Variants in KAZN observed in about 807,000 individuals in gnomAD.
KAZN encodes the protein kazrin.
A neutral mutation model predicts 87.4 loss-of-function variants in KAZN; 40 were observed. The ratio of observed to expected loss-of-function variants is 0.46; its 90% CI spans 0.36 to 0.60. KAZN has a LOEUF of 0.60. KAZN is among the 20% of genes least tolerant of loss of function. KAZN has a pLI of 0.00. For synonymous variants in KAZN, 466 were observed against 458.3 expected (o/e 1.02, Z -0.22); for missense variants, 898 against 1,073.9 (o/e 0.84, Z 2.29).
chr1:14,772,225 G>A (rs1198072829), intron 1 of KAZN, among the ~76,000 whole-genome samples: 2 of 152,188 alleles, frequency 1.3e-5, no homozygotes, highest in East Asian at 1.9e-4. Context: ...GCTCACGCCT[G>A]TAATCCTGGC....
At chr1:14,947,811 G>T (rs1403248111) in intron 1 of KAZN, among the ~76,000 whole-genome samples, 2 of 152,246 alleles carry the variant, frequency 1.3e-5, no homozygotes, top group African/African-American at 4.8e-5. Flanking sequence ...CCAAATGGGA[G>T]CTGGAACCCT....
At chr1:14,250,492 A>G (rs1164355332) in intron 2 of KAZN, among the ~76,000 whole-genome samples, 1 of 152,174 alleles carries the variant, frequency 6.6e-6, no homozygotes, top group Admixed American at 6.5e-5. Flanking sequence ...CATGATAGAT[A>G]AAAGATGGAA....
At chr1:14,308,486 G>T (rs1021088848) in intron 2 of KAZN, among the ~76,000 whole-genome samples, 1 of 152,210 alleles carries the variant, frequency 6.6e-6, no homozygotes, top group Non-Finnish European at 1.5e-5. Context: ...AAGTTATATA[G>T]AAGTTTCATG....
intron 6 of KAZN, chr1:15,062,625 G>C (rs1638887470): frequency 6.6e-6 from 1 of 152,504 alleles, no homozygotes; most frequent in Non-Finnish European, 1.5e-5. Context: ...GGTTGGAGAA[G>C]GTTGACGGAC....
chr1:14,417,808 A>G (rs1479172929), intron 2 of KAZN, among the ~76,000 whole-genome samples: 2 of 151,786 alleles, frequency 1.3e-5, no homozygotes, highest in African/African-American at 2.4e-5. Context: ...CATCCTGGCT[A>G]ACATGGTGAA....
At chr1:14,150,437 T>C (rs1645447507) in intron 1 of KAZN, among the ~76,000 whole-genome samples, 1 of 152,234 alleles carries the variant, frequency 6.6e-6, no homozygotes. Flanking sequence ...ACCCTTTCAC[T>C]TGGCCTGCAA....
chr1:14,084,098 C>T (rs915123532), intron 1 of KAZN, among the ~76,000 whole-genome samples: 1 of 152,204 alleles, frequency 6.6e-6, no homozygotes, highest in Non-Finnish European at 1.5e-5. Flanking sequence ...AGAAGGCTAA[C>T]ACAGCCCCTC....
chr1:15,036,655 CT>C (rs1170776132), intron 3 of KAZN, among the ~76,000 whole-genome samples: 1 of 152,088 alleles, frequency 6.6e-6, no homozygotes, highest in Non-Finnish European at 1.5e-5. Context: ...GCAGCATTGC[CT>C]TTGGCCACCA....
chr1:15,090,821 G>A (rs1640500160), intron 8 of KAZN, among the ~76,000 whole-genome samples: 1 of 152,252 alleles, frequency 6.6e-6, no homozygotes, highest in Non-Finnish European at 1.5e-5. Flanking sequence ...AGGCAGCAGA[G>A]AATGGTACCG....
chr1:15,108,667 A>G (rs1479634796), intron 13 of KAZN, among the ~76,000 whole-genome samples: 2 of 152,140 alleles, frequency 1.3e-5, no homozygotes, highest in Non-Finnish European at 2.9e-5. Context: ...TTGAGACTCA[A>G]TGCTCGGGCT....
At chr1:14,419,897 G>A (rs759822883) in intron 2 of KAZN, among the ~76,000 whole-genome samples, 34 of 152,100 alleles carry the variant, frequency 2.2e-4, no homozygotes, top group Non-Finnish European at 2.8e-4. Context: ...CCCAAAGAGC[G>A]AGCAACAATG....
At chr1:14,551,183 C>A (rs1673495122) in intron 2 of KAZN, among the ~76,000 whole-genome samples, 1 of 152,190 alleles carries the variant, frequency 6.6e-6, no homozygotes, top group Non-Finnish European at 1.5e-5. Context: ...AGACACACTG[C>A]CCCAACAGTA....
At chr1:14,498,696 T>TA (rs960298230) in intron 2 of KAZN, among the ~76,000 whole-genome samples, 17 of 150,600 alleles carry the variant, frequency 1.1e-4, no homozygotes, top group Admixed American at 2.6e-4. Context: ...TGTCTCAAAA[T>TA]AAAAAAAATA....
In KAZN at chr1:14,466,349, G is replaced by A. The variant is rs147806655; in HGVS notation, c.250-132634G>A. On this transcript the variant is annotated intron_variant, in intron 2 of 16. Transcript: ENST00000636203. ...TTATAAGGAAAACAAAAAAGGAGAC[G>A]TGGATGGAGCTGGAAGCCATCATCC... Among the ~76,000 whole-genome samples the A allele has an allele frequency of 5.9e-3, 892 of 151,188 alleles. 35 individuals are homozygous for A. The highest frequency in any genetic ancestry group is 0.046 in the Admixed American group (702 of 15,204).
chr1:14,141,031 T>A (rs1645223953), intron 1 of KAZN, among the ~76,000 whole-genome samples: 2 of 152,200 alleles, frequency 1.3e-5, no homozygotes, highest in South Asian at 4.2e-4. Flanking sequence ...CCTGTGGCCC[T>A]GGAGGAACCA....
chr1:13,902,939 A>G (rs1222401507), intron 1 of KAZN, among the ~76,000 whole-genome samples: 1 of 152,230 alleles, frequency 6.6e-6, no homozygotes, highest in Admixed American at 6.5e-5. Flanking sequence ...AACCTCCATG[A>G]TGGTCCCCAT....
chr1:15,087,242 T>A (rs1640299265), intron 8 of KAZN, among the ~76,000 whole-genome samples: 4 of 152,198 alleles, frequency 2.6e-5, no homozygotes, highest in African/African-American at 9.6e-5. Context: ...AAGGAACAGG[T>A]GACATGACTT....
intron 1 of KAZN, among the ~76,000 whole-genome samples, chr1:14,782,353 G>A (rs376818754): frequency 4.0e-5 from 6 of 151,894 alleles, no homozygotes; most frequent in Non-Finnish European, 7.4e-5. Context: ...TTTGAGACTA[G>A]CCTGGCCAAG....
At chr1:14,092,916 G>A (rs1644040206) in intron 1 of KAZN, among the ~76,000 whole-genome samples, 1 of 152,146 alleles carries the variant, frequency 6.6e-6, no homozygotes, top group Non-Finnish European at 1.5e-5. Flanking sequence ...CTATCTCTCT[G>A]AACTGGTTAC....
Sources: gnomAD v4.1 joint callset for allele counts (sites outside exome capture counted in the v4.1 genomes callset) on GRCh38, gnomAD v4.1.1 for gene constraint, MANE v1.5 for transcripts, NCBI Gene and HGNC (gene_info 2026-07-23, HGNC 2026-07-21) for gene names.